Variants in GSE1 observed in about 807,000 individuals in gnomAD.
The protein encoded by GSE1 is genetic suppressor element 1.
A neutral mutation model predicts 112.6 loss-of-function variants in GSE1; 32 were observed. The observed-to-expected ratio is 0.28, with a 90% CI of 0.21 to 0.38. GSE1 has a LOEUF of 0.38. Ranked by LOEUF, GSE1 falls within the 10% of genes least tolerant of loss-of-function variation. The pLI is 1.00. For synonymous variants in GSE1, 1,115 were observed against 735.6 expected, an observed-to-expected ratio of 1.52 and a Z score of -8.35; for missense variants, 2,348 against 1,699.2, an observed-to-expected ratio of 1.38 and a Z score of -6.71.
intron 1 of GSE1, among the ~76,000 whole-genome samples, chr16:85,277,618 T>A (rs774971426): frequency 1.3e-5 from 2 of 152,090 alleles, no homozygotes; most frequent in Non-Finnish European, 2.9e-5. Context: ...CCAGCCCAAC[T>A]TCCACCCCAC....
At chr16:85,348,981 G>C (rs963417552) in intron 1 of GSE1, among the ~76,000 whole-genome samples, 1 of 151,708 alleles carries the variant, frequency 6.6e-6, no homozygotes, top group Non-Finnish European at 1.5e-5. Flanking sequence ...AACCCCAGCC[G>C]GGAGCGCTGC....
intron 1 of GSE1, among the ~76,000 whole-genome samples, chr16:85,294,588 C>A (rs909021870): frequency 6.6e-6 from 1 of 151,050 alleles, no homozygotes; most frequent in Non-Finnish European, 1.5e-5. Flanking sequence ...CACATTCAGC[C>A]TTCCTGGATC....
At chr16:85,260,125 G>A (rs954075093) in intron 1 of GSE1, among the ~76,000 whole-genome samples, 2 of 152,112 alleles carry the variant, frequency 1.3e-5, no homozygotes, top group African/African-American at 2.4e-5. Context: ...CAGCCCCCCC[G>A]CAGCAGTGCT....
At chr16:85,366,669 C>G (rs2047192064) in intron 2 of GSE1, among the ~76,000 whole-genome samples, 1 of 152,216 alleles carries the variant, frequency 6.6e-6, no homozygotes, top group Non-Finnish European at 1.5e-5. Context: ...TCTGGTTTCC[C>G]TCAGCTGGTT....
chr16:85,486,948 T>C (rs2050861551), intron 2 of GSE1, among the ~76,000 whole-genome samples: 1 of 152,136 alleles, frequency 6.6e-6, no homozygotes, highest in Non-Finnish European at 1.5e-5. Flanking sequence ...AGTGGTCATT[T>C]TGTGCCTAGC....
chr16:85,635,914 C>T (rs1241843413), intron 2 of GSE1, among the ~76,000 whole-genome samples: 6 of 151,364 alleles, frequency 4.0e-5, no homozygotes, highest in Admixed American at 1.3e-4. Flanking sequence ...GGCCCAGCAG[C>T]GGCCGTGGGC....
At chr16:85,312,287 G>C (rs2045877430) in intron 1 of GSE1, among the ~76,000 whole-genome samples, 1 of 147,092 alleles carries the variant, frequency 6.8e-6, no homozygotes, top group Admixed American at 6.8e-5. Flanking sequence ...GCCACAAATT[G>C]GCGGCTTAAA....
chr16:85,275,277 C>A (rs936514859), intron 1 of GSE1, among the ~76,000 whole-genome samples: 1 of 152,196 alleles, frequency 6.6e-6, no homozygotes, highest in Non-Finnish European at 1.5e-5. Flanking sequence ...CTCCAATAGC[C>A]CCCGTTCCTC....
rs1031909526 is a variant in GSE1 at position 85,420,128 on chromosome 16, T to C, written c.2464+62485T>C. 9.2e-5 allele frequency among the ~76,000 whole-genome samples: 14 copies of C among 152,148 alleles called. No individual in the cohort carries two copies. The East Asian group carries it at 1.7e-3, about 19-fold the overall frequency. The stretch of plus-strand genomic sequence containing the variant: ...GGCCAGACGGGTGGTGGCTCATGCC[T>C]ATAATCCCAGTGCTTTGGGAGGCTG... On this transcript the variant is annotated intron_variant, in intron 2 of 2. Coordinates refer to the GSE1 transcript ENST00000637419.
intron 1 of GSE1, chr16:85,207,810 C>T (rs1312325890): frequency 6.6e-6 from 1 of 152,296 alleles, no homozygotes; most frequent in Non-Finnish European, 1.5e-5. Context: ...TCCCGGTCAC[C>T]ACGCGCCGTG....
intron 2 of GSE1, among the ~76,000 whole-genome samples, chr16:85,646,492 T>G (rs571505449): frequency 4.4e-4 from 67 of 152,326 alleles, no homozygotes; most frequent in African/African-American, 1.5e-3. Flanking sequence ...GACACTGCTG[T>G]GATATCATAG....
Position 85,508,330 on chromosome 16 carries a change from G to A in GSE1, c.2465-125584G>A, listed in dbSNP as rs144179361. On this transcript the variant is annotated intron_variant, in intron 2 of 2. Coordinates refer to the GSE1 transcript ENST00000637419. ...ATTACAGGCAGGAGCCACCACGCCC[G>A]GCCTCCCTCACTTATTTTTCGGAAC... is the stretch of plus-strand genomic sequence containing the variant. Among the ~76,000 whole-genome samples the A allele has an allele frequency of 8.5e-4, 130 of 152,242 alleles. No individual in the cohort carries two copies. The East Asian group carries it at 0.01, about 12-fold the overall frequency.
intron 1 of GSE1, among the ~76,000 whole-genome samples, chr16:85,333,316 C>T (rs2170845): frequency 0.15 from 23,113 of 152,170 alleles, 2,421 homozygotes; most frequent in East Asian, 0.34. Context: ...GTCTTCCTTA[C>T]TGAGAGGGCA....
intron 1 of GSE1, among the ~76,000 whole-genome samples, chr16:85,184,752 A>T (rs958617110): frequency 6.6e-6 from 1 of 152,134 alleles, no homozygotes; most frequent in Admixed American, 6.5e-5. Flanking sequence ...ATTTCCAAAC[A>T]TTGGACTATC....
chr16:85,501,237 C>T (rs11149754), intron 2 of GSE1, among the ~76,000 whole-genome samples: 83,355 of 151,280 alleles, frequency 0.55, 23,070 homozygotes, highest in East Asian at 0.67. Flanking sequence ...CTCCTGACCT[C>T]GTGATCCACC....
intron 1 of GSE1, among the ~76,000 whole-genome samples, chr16:85,245,964 G>T (rs891624338): frequency 6.6e-6 from 1 of 151,194 alleles, no homozygotes; most frequent in African/African-American, 2.4e-5. Context: ...GGGCGTGTGT[G>T]TGTGGGGGGC....
chr16:85,442,310 C>T (rs1220391232), intron 2 of GSE1, among the ~76,000 whole-genome samples: 4 of 152,206 alleles, frequency 2.6e-5, no homozygotes, highest in Non-Finnish European at 5.9e-5. Flanking sequence ...TGTTTGCGTG[C>T]TTGTTTACCG....
intron 1 of GSE1, among the ~76,000 whole-genome samples, chr16:85,557,941 G>T (rs1386740076): frequency 6.6e-6 from 1 of 152,020 alleles, no homozygotes; most frequent in Non-Finnish European, 1.5e-5. Flanking sequence ...ATATTTTCCA[G>T]CGTTTCCATT....
At chr16:85,361,421 C>G (rs1190271899) in intron 2 of GSE1, among the ~76,000 whole-genome samples, 1 of 152,018 alleles carries the variant, frequency 6.6e-6, no homozygotes, top group Non-Finnish European at 1.5e-5. Flanking sequence ...ACAGGACACA[C>G]ATTCCAAATG....
Sources: gnomAD v4.1 joint callset for allele counts (sites outside exome capture counted in the v4.1 genomes callset) on GRCh38, gnomAD v4.1.1 for gene constraint, MANE v1.5 for transcripts, NCBI Gene and HGNC (gene_info 2026-07-23, HGNC 2026-07-21) for gene names.